DPYS: variants seen among roughly 807,000 people sequenced by gnomAD.
DPYS encodes the protein dihydropyrimidine amidohydrolase.
DPYS carries 39 observed loss-of-function variants against 50.3 expected under a neutral mutation model. The ratio of observed to expected loss-of-function variants is 0.78; its 90% CI spans 0.60 to 1.01. DPYS has a LOEUF of 1.01. Among genes scored for constraint, DPYS ranks in the 50% least tolerant of loss-of-function variants. The pLI is 0.00. For synonymous variants in DPYS, 245 were observed against 250.7 expected (o/e 0.98, Z 0.22); for missense variants, 659 against 680.9 (o/e 0.97, Z 0.36).
intron 1 of DPYS, 106 bp downstream of exon 1, chr8:104,466,551 G>A: frequency 7.8e-7 from 1 of 1,286,180 alleles, no homozygotes; most frequent in South Asian, 1.8e-5. Context: ...CCAGCTCCTC[G>A]GCGCCGCGCC....
intron 2 of DPYS, among the ~76,000 whole-genome samples, chr8:104,449,984 A>T (rs1208991281): frequency 6.6e-6 from 1 of 152,188 alleles, no homozygotes; most frequent in Non-Finnish European, 1.5e-5. Context: ...CAGAATCTGC[A>T]ATCTGCATTT....
chr8:104,409,824 G>A (rs527636737), intron 7 of DPYS, among the ~76,000 whole-genome samples: 13 of 152,270 alleles, frequency 8.5e-5, no homozygotes, highest in Admixed American at 2.6e-4. Flanking sequence ...ACATTTTACT[G>A]GGGAGGAAAG....
chr8:104,454,841 T>G (rs2140748869), intron 1 of DPYS, among the ~76,000 whole-genome samples: 1 of 152,156 alleles, frequency 6.6e-6, no homozygotes, highest in East Asian at 1.9e-4. Flanking sequence ...TCAATCAGGA[T>G]TAGGACCTAC....
At chr8:104,399,138 A>G (rs1811692116) in intron 7 of DPYS, among the ~76,000 whole-genome samples, 1 of 151,892 alleles carries the variant, frequency 6.6e-6, no homozygotes. Flanking sequence ...TAAAAATACA[A>G]AAGTTAGCAG....
At chr8:104,387,859 T>C (rs905274832) in intron 8 of DPYS, among the ~76,000 whole-genome samples, 1 of 152,164 alleles carries the variant, frequency 6.6e-6, no homozygotes, top group African/African-American at 2.4e-5. Context: ...CTACCTTCCT[T>C]TTTCCTCACC....
chr8:104,436,576 G>A (rs912791186), intron 4 of DPYS, among the ~76,000 whole-genome samples: 1 of 152,012 alleles, frequency 6.6e-6, no homozygotes, highest in African/African-American at 2.4e-5. Flanking sequence ...TGCCAGCCTA[G>A]GCAACAGAGT....
chr8:104,415,390 G>A (rs1020897052), intron 7 of DPYS, among the ~76,000 whole-genome samples: 27 of 152,300 alleles, frequency 1.8e-4, no homozygotes, highest in Non-Finnish European at 3.8e-4. Flanking sequence ...TCATTTCTAA[G>A]CTGCTTTTCT....
intron 2 of DPYS, among the ~76,000 whole-genome samples, chr8:104,449,917 C>T (rs543580535): frequency 1.8e-3 from 275 of 152,286 alleles, no homozygotes; most frequent in Non-Finnish European, 2.9e-3. Context: ...TTCTGTTTGT[C>T]GTACATTCTG....
chr8:104,447,281 G>A (rs759495050), intron 3 of DPYS, 43 bp downstream of exon 3: 1 of 1,608,422 alleles, frequency 6.2e-7, no homozygotes, highest in Non-Finnish European at 8.5e-7. Context: ...TTATGTTATG[G>A]CTGCTGTCAT....
intron 8 of DPYS, 121 bp downstream of exon 8, chr8:104,392,663 C>T: frequency 1.6e-6 from 2 of 1,217,640 alleles, no homozygotes; most frequent in East Asian, 4.7e-5. Flanking sequence ...TCCTGACACC[C>T]CAGGAATACA....
At position 104,379,599 on chromosome 8, in the gene DPYS, TATC is replaced by T; in HGVS notation, c.*256_*258del. 1 of 182,482 alleles carries T rather than the reference TATC, an allele frequency of 5.5e-6. No homozygotes were observed. The highest frequency in any genetic ancestry group is 1.2e-5 in the Non-Finnish European group (1 of 84,394). 11.3% of individuals were successfully genotyped at this position (182,482 alleles called of 1,614,324 possible). A position where few individuals can be genotyped will look rare whatever the true frequency, so the allele number is the denominator to read the frequency against. On this transcript the variant is annotated 3_prime_UTR_variant, in exon 10 of 10. Transcript: ENST00000351513. The stretch of plus-strand genomic sequence containing the variant: ...TACAAGCAAAGATGACATTTTAAAG[TATC>T]ATCAATGAATTTCCACACAGCCTTT...
At chr8:104,402,349 A>G (rs889423535) in intron 7 of DPYS, among the ~76,000 whole-genome samples, 1 of 152,230 alleles carries the variant, frequency 6.6e-6, no homozygotes, top group Non-Finnish European at 1.5e-5. Flanking sequence ...AAAATAATTT[A>G]GTGTCTTTAA....
chr8:104,397,174 A>G (rs988941198), intron 7 of DPYS, among the ~76,000 whole-genome samples: 6 of 152,180 alleles, frequency 3.9e-5, no homozygotes, highest in African/African-American at 1.4e-4. Context: ...TCCCTGCCCT[A>G]AAACTCCACC....
rs190746237 is a variant in DPYS at position 104,429,475 on chromosome 8, G to A, written c.950+70C>T. On this transcript the variant is annotated intron_variant, in intron 5 of 9. Transcript: ENST00000351513. ...GGAGGTTAGTGGAGGATCCAGATGG[G>A]AGGACGAGCTCCCTTCTACCCAAAC... The A allele has an allele frequency of 1.8e-4, 289 of 1,603,762 alleles. 1 individual carries two copies. The African/African-American group carries it at 3.5e-3, about 20-fold the overall frequency.
In DPYS at chr8:104,428,080, T is replaced by C; in HGVS notation, c.992A>G (p.Asn331Ser). ...CTTCCCAAGAGCTTTCTGGCAGGTG[T>C]TGAAAGTGCAGTTATCAGTCCCTGT... Reference protein sequence around the residue: ...TTTGTDNCTFNTCQKALGKDD... With the variant: ...TTTGTDNCTFSTCQKALGKDD... Residue 331 changes from asparagine to serine, a missense_variant, in exon 6 of 10, where the codon AAC (asparagine) becomes AGC (serine). Physicochemically the swap from Asn to Ser is conservative, Grantham distance 46. Coordinates refer to ENST00000351513, the MANE Select transcript of DPYS (RefSeq NM_001385.3). 1 of 1,614,224 alleles carries C rather than the reference T, an allele frequency of 6.2e-7. No homozygotes were observed. Among genetic ancestry groups the C allele is most frequent in the Non-Finnish European group, 8.5e-7 (1 of 1,180,032 alleles).
At chr8:104,426,445 T>C (rs1812723104) in intron 6 of DPYS, among the ~76,000 whole-genome samples, 1 of 152,188 alleles carries the variant, frequency 6.6e-6, no homozygotes, top group South Asian at 2.1e-4. Flanking sequence ...GTGAGATTAC[T>C]GCAAAGGTCC....
intron 8 of DPYS, 136 bp downstream of exon 8, chr8:104,392,648 A>G (rs961422035): frequency 9.2e-7 from 1 of 1,087,764 alleles, no homozygotes. Flanking sequence ...AATCTCTCAT[A>G]TCAATCCTGA....
chr8:104,448,353 A>G lies in DPYS; in HGVS notation c.424-850T>C, dbSNP rs189566723. 4.3e-3 allele frequency among the ~76,000 whole-genome samples: 656 copies of G among 151,956 alleles called. 7 individuals are homozygous for G. The highest frequency in any genetic ancestry group is 0.017 in the Middle Eastern group (5 of 294). On this transcript the variant is annotated intron_variant, in intron 2 of 9. Coordinates refer to ENST00000351513, the MANE Select transcript of DPYS (RefSeq NM_001385.3). Reference sequence around the variant, plus strand: ...GTATTTTTAGTAGGGATGGGGTTTCACCATGTTGGCCAGGCTGGTCTTGCA... The same window carrying G: ...GTATTTTTAGTAGGGATGGGGTTTCGCCATGTTGGCCAGGCTGGTCTTGCA...
chr8:104,425,083 G>A (rs952935302), intron 6 of DPYS, among the ~76,000 whole-genome samples: 1 of 151,984 alleles, frequency 6.6e-6, no homozygotes, highest in Non-Finnish European at 1.5e-5. Context: ...ACCCTCCTTG[G>A]CCTCCCAAAG....
Sources: allele counts gnomAD v4.1 joint callset (sites outside exome capture counted in the v4.1 genomes callset), GRCh38; gene constraint gnomAD v4.1.1; transcripts MANE v1.5; gene names NCBI Gene and HGNC (gene_info 2026-07-23, HGNC 2026-07-21).